BCR: variants seen among roughly 807,000 people sequenced by gnomAD.
The protein encoded by BCR is BCR activator of RhoGEF and GTPase.
Under a neutral mutation model 138.6 loss-of-function variants are expected in BCR, and 58 were observed. That is an observed-to-expected ratio of 0.42 (90% CI 0.34 to 0.52). The LOEUF (loss-of-function observed/expected upper bound fraction) is 0.52, where lower values mean the gene tolerates loss of function less well. Ranked by LOEUF, BCR falls within the 20% of genes least tolerant of loss-of-function variation. BCR has a pLI of 0.06. For missense variants in BCR, 1,599 were observed against 1,727.2 expected (o/e 0.93, Z 1.32); for synonymous variants, 786 against 730.1 (o/e 1.08, Z -1.23).
chr22:23,189,019 C>T (rs969971885), intron 1 of BCR, among the ~76,000 whole-genome samples: 2 of 151,898 alleles, frequency 1.3e-5, no homozygotes, highest in East Asian at 1.9e-4. Context: ...GCTAATTAGC[C>T]TAGCTAATTT....
intron 1 of BCR, among the ~76,000 whole-genome samples, chr22:23,186,449 G>A (rs766022071): frequency 6.6e-5 from 10 of 152,218 alleles, no homozygotes; most frequent in Admixed American, 1.3e-4. Flanking sequence ...GTTCTGTGGT[G>A]TTGACTACAT....
At chr22:23,312,055 G>A (rs2074013857) in intron 19 of BCR, 8 of 892,138 alleles carry the variant, frequency 9.0e-6, no homozygotes, top group Admixed American at 6.1e-5. Flanking sequence ...CCACTTGCTG[G>A]GGTAGGCCAG....
rs760855238 is a variant in BCR, at chr22:23,311,829, C to T, written c.3315C>T (p.Phe1105=). Residue 1105 remains phenylalanine (F), a synonymous_variant, in exon 19 of 23, where the codon TTC becomes TTT. Coordinates refer to ENST00000305877, the MANE Select transcript of BCR (RefSeq NM_004327.4). The stretch of plus-strand genomic sequence containing the variant: ...ACATCCAGGCACTGAAGGCAGCCTT[C>T]GACGTCAGTGAGTGTTGGCCTGCGC... The part of the protein sequence containing the change: ...ATDIQALKAA[F]DVNNKDVSVM... 25 of 1,611,654 alleles carry T rather than the reference C, an allele frequency of 1.6e-5. No homozygotes were observed. Among genetic ancestry groups the T allele is most frequent in the East Asian group, 8.9e-5 (4 of 44,876 alleles).
At position 23,312,874 on chromosome 22, in the gene BCR, G is replaced by A. The variant is rs191000154; in HGVS notation, c.3323-13G>A. On this transcript the variant is annotated splice_polypyrimidine_tract_variant and intron_variant, in intron 19 of 22. Transcript: ENST00000305877. ...TCCTCAAGGAGGCCGCTGCATTTCC[G>A]TGCTCTTTCCAGATAACAAGGACGT... 1.8e-4 allele frequency: 281 copies of A among 1,596,088 alleles called. No individual in the cohort carries two copies. The African/African-American group carries it at 1.9e-3, about 11-fold the overall frequency.
chr22:23,196,548 G>A (rs1021330726), intron 1 of BCR, among the ~76,000 whole-genome samples: 9 of 152,294 alleles, frequency 5.9e-5, no homozygotes, highest in Admixed American at 2.0e-4. Context: ...TTGGTTCCAG[G>A]ATTCCCTTGG....
At chr22:23,279,248 A>C (rs894681669) in intron 8 of BCR, among the ~76,000 whole-genome samples, 2 of 152,204 alleles carry the variant, frequency 1.3e-5, no homozygotes, top group Non-Finnish European at 2.9e-5. Flanking sequence ...CTCTCAGGGC[A>C]TAGGAAACTT....
intron 1 of BCR, among the ~76,000 whole-genome samples, chr22:23,211,022 C>T (rs2072675409): frequency 6.6e-6 from 1 of 152,106 alleles, no homozygotes; most frequent in Admixed American, 6.6e-5. Context: ...ATTTTCATCA[C>T]CCCCAAAAGA....
intron 10 of BCR, among the ~76,000 whole-genome samples, chr22:23,285,577 CTG>C (rs2073702333): frequency 6.6e-6 from 1 of 152,208 alleles, no homozygotes; most frequent in South Asian, 2.1e-4. Context: ...CTTGTTTAAA[CTG>C]TGTCCAGTTT....
At chr22:23,273,926 G>A in intron 8 of BCR, 152 bp downstream of exon 8, 2 of 1,176,996 alleles carry the variant, frequency 1.7e-6, no homozygotes, top group Non-Finnish European at 2.4e-6. Context: ...AGTCCTGTGT[G>A]GAAGGTGTCT....
intron 1 of BCR, among the ~76,000 whole-genome samples, chr22:23,222,761 T>A (rs1182681379): frequency 2.6e-5 from 4 of 152,184 alleles, no homozygotes; most frequent in African/African-American, 7.2e-5. Context: ...GTTGGAACCT[T>A]GAGGTGGTTA....
Position 23,315,594 on chromosome 22 carries a change from C to T in BCR, c.*72C>T, listed in dbSNP as rs937673673. 93 of 1,448,180 alleles carry T rather than the reference C, an allele frequency of 6.4e-5. No homozygotes were observed. In the Admixed American group the frequency reaches 1.4e-3, roughly 22 times the overall value. 89.7% of individuals were successfully genotyped at this position (1,448,180 alleles called of 1,614,324 possible). On this transcript the variant is annotated 3_prime_UTR_variant, in exon 23 of 23. Coordinates refer to ENST00000305877, the MANE Select transcript of BCR (RefSeq NM_004327.4). ...CTGGCTAATCGGGCCATCCGTAGAG[C>T]GGGAACCTTCCTGAGGTGTCCTTGG...
At chr22:23,253,064 C>T (rs1483159436) in intron 1 of BCR, among the ~76,000 whole-genome samples, 4 of 152,132 alleles carry the variant, frequency 2.6e-5, no homozygotes, top group Non-Finnish European at 4.4e-5. Flanking sequence ...CTTGCTGGAA[C>T]GGCTCAGAGA....
chr22:23,295,120 A>T lies in BCR; in HGVS notation c.2977A>T (p.Ser993Cys), dbSNP rs745737268. 3.7e-6 allele frequency: 6 copies of T among 1,613,994 alleles called. No homozygotes were observed. Among genetic ancestry groups the T allele is most frequent in the Non-Finnish European group, 5.1e-6 (6 of 1,180,010 alleles). Residue 993 changes from serine to cysteine, a missense_variant, in exon 16 of 23, where the codon AGC (serine) becomes TGC (cysteine). Ser to Cys is a moderately radical substitution (Grantham distance 112). Coordinates refer to ENST00000305877, the MANE Select transcript of BCR (RefSeq NM_004327.4). ...GAAGATCCCCAAGGAGGACGGCGAGAGCACGGACAGACTCATGGGGAAGGG... is the reference window on the plus strand; with the variant it reads ...GAAGATCCCCAAGGAGGACGGCGAGTGCACGGACAGACTCATGGGGAAGGG... ...KTKIPKEDGE[S>C]TDRLMGKGQV...
At chr22:23,251,977 G>A (rs572402766) in intron 1 of BCR, among the ~76,000 whole-genome samples, 2 of 152,194 alleles carry the variant, frequency 1.3e-5, no homozygotes, top group African/African-American at 4.8e-5. Flanking sequence ...TTGGAAACAC[G>A]TGTTGAGCTT....
chr22:23,240,649 CAAAAAGAAAAA>C (rs2073079353), intron 1 of BCR, among the ~76,000 whole-genome samples: 1 of 144,642 alleles, frequency 6.9e-6, no homozygotes, highest in Non-Finnish European at 1.5e-5. Flanking sequence ...GAGACTGTCT[CAAAAAGAAAAA>C]AAAAAGAAAA....
intron 15 of BCR, among the ~76,000 whole-genome samples, chr22:23,294,455 C>T (rs935592397): frequency 2.0e-5 from 3 of 152,214 alleles, no homozygotes; most frequent in Non-Finnish European, 4.4e-5. Flanking sequence ...GCCTGGAATG[C>T]AGTGGCATGA....
Position 23,253,949 on chromosome 22 carries a change from T to C in BCR, c.1430T>C (p.Leu477Pro). 4.3e-6 allele frequency: 7 copies of C among 1,612,928 alleles called. No individual in the cohort carries two copies. Among genetic ancestry groups the C allele is most frequent in the Non-Finnish European group, 5.1e-6 (6 of 1,179,914 alleles). The change falls in exon 2 of 23, where the codon CTG becomes CCG. Residue 477 changes from leucine to proline, a missense_variant. By Grantham distance (98) the Leu-to-Pro change is moderately conservative (BLOSUM62 -3). Transcript: ENST00000305877. ...AAGGGCAGGGGCAGCCGGGATGCGCTGGTCTCGGGAGCCCTGGAGTCCACT... is the reference window on the plus strand; with the variant it reads ...AAGGGCAGGGGCAGCCGGGATGCGCCGGTCTCGGGAGCCCTGGAGTCCACT... ...SSKGRGSRDALVSGALESTKA... is the reference protein window; with the variant it reads ...SSKGRGSRDAPVSGALESTKA...
chr22:23,217,861 T>A (rs981917139), intron 1 of BCR, among the ~76,000 whole-genome samples: 1 of 152,194 alleles, frequency 6.6e-6, no homozygotes, highest in African/African-American at 2.4e-5. Context: ...GGGTAGGCGG[T>A]GATCTGCAGC....
intron 1 of BCR, among the ~76,000 whole-genome samples, chr22:23,240,362 TATAC>T (rs2073075681): frequency 6.6e-6 from 1 of 150,832 alleles, no homozygotes; most frequent in South Asian, 2.1e-4. Flanking sequence ...TGTGTGAAAA[TATAC>T]ATAGGCCGGG....
Sources: allele counts gnomAD v4.1 joint callset (sites outside exome capture counted in the v4.1 genomes callset), GRCh38; gene constraint gnomAD v4.1.1; transcripts MANE v1.5; gene names NCBI Gene and HGNC (gene_info 2026-07-23, HGNC 2026-07-21).